The following SCFD2 variants were observed in gnomAD, a reference collection of about 807,000 sequenced individuals.
SCFD2 encodes the protein sec1 family domain-containing protein 2.
A neutral mutation model predicts 58.9 loss-of-function variants in SCFD2; 54 were observed. That is an observed-to-expected ratio of 0.92 (90% CI 0.74 to 1.15). SCFD2 has a LOEUF of 1.15. SCFD2 is among the 50% of genes most tolerant of loss of function. The probability of loss-of-function intolerance (pLI) is 0.00; values close to 1 mark genes in which losing one functional copy is unlikely to be tolerated. For missense variants in SCFD2, 805 were observed against 836.6 expected (o/e 0.96, Z 0.47); for synonymous variants, 321 against 335.9 (o/e 0.96, Z 0.49).
intron 6 of SCFD2, among the ~76,000 whole-genome samples, chr4:52,909,221 G>A (rs1204258476): frequency 6.6e-6 from 1 of 152,168 alleles, no homozygotes; most frequent in East Asian, 1.9e-4. Context: ...CTTTGCATAT[G>A]CTCATGTATG....
intron 5 of SCFD2, among the ~76,000 whole-genome samples, chr4:53,031,496 T>G (rs1382607124): frequency 8.5e-5 from 13 of 152,326 alleles, no homozygotes; most frequent in Admixed American, 7.2e-4. Context: ...TAAAGGAGCA[T>G]GTTCTAACCC....
At chr4:53,057,442 A>G (rs1196701775) in intron 5 of SCFD2, among the ~76,000 whole-genome samples, 1 of 152,182 alleles carries the variant, frequency 6.6e-6, no homozygotes, top group Non-Finnish European at 1.5e-5. Flanking sequence ...TCAGCAAACT[A>G]ACACAGGAAC....
chr4:53,364,964 T>C, intron 1 of SCFD2, 140 bp downstream of exon 1: 1 of 984,834 alleles, frequency 1.0e-6, no homozygotes, highest in African/African-American at 1.6e-5. Context: ...CTCTGTGAGA[T>C]TAGAGACCGT....
intron 5 of SCFD2, 131 bp downstream of exon 5, chr4:53,145,202 C>A: frequency 8.9e-7 from 1 of 1,129,510 alleles, no homozygotes; most frequent in Non-Finnish European, 1.3e-6. Flanking sequence ...GGCTAGCATT[C>A]ATCAGGCCTC....
intron 4 of SCFD2, among the ~76,000 whole-genome samples, chr4:53,214,618 T>C (rs1365401785): frequency 1.3e-5 from 2 of 152,134 alleles, no homozygotes; most frequent in African/African-American, 4.8e-5. Flanking sequence ...TTGACTATGA[T>C]GGTAGTTTCT....
rs558041982 is a variant in SCFD2 at position 53,139,826 on chromosome 4, A to C, written c.1561+5507T>G. Reference sequence around the variant, plus strand: ...TTGTTACTGTGTCTGTCTGGAAAGAATTAGACATAGGAGATTCCATTTTGT... The same window carrying C: ...TTGTTACTGTGTCTGTCTGGAAAGACTTAGACATAGGAGATTCCATTTTGT... On this transcript the variant is annotated intron_variant, in intron 5 of 8. Transcript: ENST00000401642. 1.0e-3 allele frequency among the ~76,000 whole-genome samples: 156 copies of C among 152,372 alleles called. 1 individual carries two copies. Among genetic ancestry groups the C allele is most frequent in the African/African-American group, 3.6e-3 (148 of 41,590 alleles).
intron 5 of SCFD2, chr4:52,948,701 T>C: frequency 2.8e-6 from 1 of 354,534 alleles, no homozygotes. Context: ...GCCATCAGCA[T>C]AAGCAACCAA....
intron 6 of SCFD2, among the ~76,000 whole-genome samples, chr4:52,917,756 A>G (rs1279213353): frequency 6.6e-6 from 1 of 152,050 alleles, no homozygotes; most frequent in African/African-American, 2.4e-5. Context: ...CCCTCTAGAG[A>G]TTTTATATGC....
At chr4:53,354,391 G>A (rs1251380776) in intron 1 of SCFD2, among the ~76,000 whole-genome samples, 10 of 152,180 alleles carry the variant, frequency 6.6e-5, no homozygotes, top group Non-Finnish European at 1.2e-4. Context: ...CCGAGCCCAC[G>A]CCCACATGGA....
intron 5 of SCFD2, among the ~76,000 whole-genome samples, chr4:53,061,585 TA>T (rs1723513075): frequency 1.3e-5 from 2 of 152,276 alleles, no homozygotes; most frequent in East Asian, 3.9e-4. Flanking sequence ...GGCAGGCCCT[TA>T]ATGTAGATTG....
At chr4:53,205,385 C>T (rs1309229917) in intron 4 of SCFD2, among the ~76,000 whole-genome samples, 2 of 151,804 alleles carry the variant, frequency 1.3e-5, no homozygotes, top group Non-Finnish European at 2.9e-5. Context: ...TGACTCCATC[C>T]CAGGAAAAAA....
intron 5 of SCFD2, among the ~76,000 whole-genome samples, chr4:53,041,661 G>GA (rs2148824830): frequency 6.6e-6 from 1 of 152,232 alleles, no homozygotes; most frequent in East Asian, 1.9e-4. Flanking sequence ...AAATGCCTTT[G>GA]AAAATGGAAG....
intron 7 of SCFD2, among the ~76,000 whole-genome samples, chr4:52,891,518 C>T (rs767211536): frequency 9.2e-5 from 14 of 152,214 alleles, no homozygotes; most frequent in African/African-American, 2.4e-4. Context: ...TTGTCCAAAG[C>T]GGCTGAACTA....
intron 5 of SCFD2, among the ~76,000 whole-genome samples, chr4:52,969,965 A>AT (rs759024773): frequency 1.7e-4 from 26 of 152,280 alleles, no homozygotes; most frequent in Admixed American, 6.5e-4. Context: ...ATACAGTTGC[A>AT]TTTTTTTCAC....
chr4:52,916,338 G>A lies in SCFD2; in HGVS notation c.1707+4387C>T, dbSNP rs190937715. ...TAATCCCAGCATTTTGGGAGGCCGAGGTGGGCAGATCACCTGAGGTCAGGA... is the reference window on the plus strand; with the variant it reads ...TAATCCCAGCATTTTGGGAGGCCGAAGTGGGCAGATCACCTGAGGTCAGGA... On this transcript the variant is annotated intron_variant, in intron 6 of 8. Transcript: ENST00000401642. Among the ~76,000 whole-genome samples, 53 of 152,382 alleles carry A rather than the reference G, an allele frequency of 3.5e-4. 1 individual carries two copies. The highest frequency in any genetic ancestry group is 1.2e-3 in the African/African-American group (50 of 41,604).
At chr4:52,880,024 G>A (rs896085065) in intron 8 of SCFD2, among the ~76,000 whole-genome samples, 1 of 152,146 alleles carries the variant, frequency 6.6e-6, no homozygotes, top group South Asian at 2.1e-4. Context: ...ACACACACCT[G>A]TGTTAAACCC....
At chr4:52,875,143 G>T (rs1021043519) in intron 8 of SCFD2, among the ~76,000 whole-genome samples, 1 of 152,134 alleles carries the variant, frequency 6.6e-6, no homozygotes, top group Non-Finnish European at 1.5e-5. Context: ...AGACAGGCTG[G>T]CCCCAGTGCC....
rs541427855 is a variant in SCFD2, at chr4:53,047,093, A to G, written c.1561+98240T>C. 4.6e-5 allele frequency among the ~76,000 whole-genome samples: 7 copies of G among 152,350 alleles called. No homozygotes were observed. In the South Asian group the frequency reaches 1.5e-3, roughly 32 times the overall value. On this transcript the variant is annotated intron_variant, in intron 5 of 8. Coordinates refer to ENST00000401642, the MANE Select transcript of SCFD2 (RefSeq NM_152540.4). ...TATTCCAAAAATTGTTCTATAACTT[A>G]AAGATCATAGATTTAAAAAACACAA...
chr4:52,959,897 A>AACACACACACACACACACACAC (rs10529140), intron 5 of SCFD2, among the ~76,000 whole-genome samples: 1,666 of 138,112 alleles, frequency 0.012, 24 homozygotes, highest in East Asian at 0.05. Context: ...TCCAAATTGA[A>AACACACACACACACACACACAC]ACACACACAC....
Sources: allele counts gnomAD v4.1 joint callset (sites outside exome capture counted in the v4.1 genomes callset), GRCh38; gene constraint gnomAD v4.1.1; transcripts MANE v1.5; gene names NCBI Gene and HGNC (gene_info 2026-07-23, HGNC 2026-07-21).